The following SPAG16 variants were observed in gnomAD, a reference collection of about 807,000 sequenced individuals.
SPAG16 encodes sperm associated antigen 16.
A neutral mutation model predicts 80.4 loss-of-function variants in SPAG16; 86 were observed. The ratio of observed to expected loss-of-function variants is 1.07; its 90% confidence interval spans 0.90 to 1.28. The LOEUF (loss-of-function observed/expected upper bound fraction) is 1.28, where lower values mean the gene tolerates loss of function less well. Ranked by LOEUF, SPAG16 falls within the 50% of genes most tolerant of loss-of-function variation. SPAG16 has a pLI of 0.00. For missense variants in SPAG16, 870 were observed against 765.3 expected (o/e 1.14, Z -1.61); for synonymous variants, 294 against 265.9 (o/e 1.11, Z -1.03).
At chr2:213,981,012 G>C (rs924715930) in intron 12 of SPAG16, among the ~76,000 whole-genome samples, 1 of 151,976 alleles carries the variant, frequency 6.6e-6, no homozygotes, top group Non-Finnish European at 1.5e-5. Context: ...AAACTGAGTG[G>C]CTTCAACAAC....
chr2:214,294,702 A>C (rs1273304279), intron 15 of SPAG16, among the ~76,000 whole-genome samples: 1 of 152,224 alleles, frequency 6.6e-6, no homozygotes, highest in Non-Finnish European at 1.5e-5. Flanking sequence ...TCCAAAGATT[A>C]TCTGATATTT....
intron 10 of SPAG16, among the ~76,000 whole-genome samples, chr2:213,820,487 A>C (rs1442185107): frequency 6.6e-6 from 1 of 152,164 alleles, no homozygotes; most frequent in African/African-American, 2.4e-5. Flanking sequence ...CTGCACAGGA[A>C]TAGATGCTTA....
At chr2:214,156,554 A>G (rs1351615849) in intron 15 of SPAG16, among the ~76,000 whole-genome samples, 1 of 152,150 alleles carries the variant, frequency 6.6e-6, no homozygotes, top group African/African-American at 2.4e-5. Context: ...TTGAGGAGAG[A>G]GGATCTCTTG....
intron 10 of SPAG16, among the ~76,000 whole-genome samples, chr2:213,759,527 T>TTA (rs1175913654): frequency 5.3e-5 from 8 of 152,044 alleles, no homozygotes; most frequent in Non-Finnish European, 8.8e-5. Context: ...AGCCGAGTTT[T>TTA]TATATATTAT....
chr2:213,773,937 T>C (rs1443252493), intron 10 of SPAG16, among the ~76,000 whole-genome samples: 1 of 152,218 alleles, frequency 6.6e-6, no homozygotes, highest in Admixed American at 6.5e-5. Flanking sequence ...GAATTTCTTA[T>C]ATTCATTATC....
intron 13 of SPAG16, among the ~76,000 whole-genome samples, chr2:214,086,144 G>A (rs537258621): frequency 4.0e-4 from 61 of 152,168 alleles, no homozygotes; most frequent in African/African-American, 1.3e-3. Context: ...CTCATACAGC[G>A]TAAACTTCTG....
chr2:214,161,742 A>C (rs947316874), intron 15 of SPAG16, among the ~76,000 whole-genome samples: 1 of 152,090 alleles, frequency 6.6e-6, no homozygotes, highest in Non-Finnish European at 1.5e-5. Flanking sequence ...CTTAATACCT[A>C]GGTGATGGGT....
At chr2:214,214,185 C>T (rs533665127) in intron 15 of SPAG16, among the ~76,000 whole-genome samples, 2 of 140,058 alleles carry the variant, frequency 1.4e-5, no homozygotes, top group African/African-American at 5.4e-5. Context: ...TTCCTTTTTA[C>T]TTTTTTTTTT....
intron 1 of SPAG16, among the ~76,000 whole-genome samples, chr2:213,292,160 G>A (rs1472426959): frequency 1.3e-5 from 2 of 152,088 alleles, no homozygotes; most frequent in African/African-American, 2.4e-5. Context: ...CAACTTTAAA[G>A]TCTATCCAGA....
intron 10 of SPAG16, among the ~76,000 whole-genome samples, chr2:213,788,313 TA>T (rs2070469573): frequency 6.6e-6 from 1 of 151,830 alleles, no homozygotes; most frequent in Admixed American, 6.6e-5. Flanking sequence ...AAAAAGGAAA[TA>T]AGCTACACAA....
At chr2:213,615,168 C>A (rs1445141135) in intron 10 of SPAG16, among the ~76,000 whole-genome samples, 1 of 152,208 alleles carries the variant, frequency 6.6e-6, no homozygotes, top group Non-Finnish European at 1.5e-5. Flanking sequence ...ATGATACAGA[C>A]AACAAACAGA....
chr2:213,889,261 A>G (rs1440762978), intron 11 of SPAG16, among the ~76,000 whole-genome samples: 7 of 151,952 alleles, frequency 4.6e-5, no homozygotes, highest in Non-Finnish European at 1.0e-4. Flanking sequence ...CACCTTCTAT[A>G]TAGTGTATAA....
intron 12 of SPAG16, among the ~76,000 whole-genome samples, chr2:214,012,658 A>G (rs963446785): frequency 6.6e-6 from 1 of 152,062 alleles, no homozygotes; most frequent in Non-Finnish European, 1.5e-5. Flanking sequence ...AGTACTTACT[A>G]GTTATCCTGA....
chr2:213,539,508 A>G (rs530851623), intron 10 of SPAG16, among the ~76,000 whole-genome samples: 45 of 152,190 alleles, frequency 3.0e-4, no homozygotes, highest in Non-Finnish European at 6.2e-4. Context: ...AAAAGTCCAA[A>G]CAAGTTTTCA....
intron 15 of SPAG16, among the ~76,000 whole-genome samples, chr2:214,270,043 T>G (rs992788905): frequency 6.6e-6 from 1 of 152,194 alleles, no homozygotes; most frequent in African/African-American, 2.4e-5. Context: ...GTTTCATAGC[T>G]TGTCTCCTAT....
chr2:214,381,593 T>C (rs1700451687), intron 15 of SPAG16, among the ~76,000 whole-genome samples: 2 of 152,236 alleles, frequency 1.3e-5, no homozygotes, highest in African/African-American at 4.8e-5. Flanking sequence ...TGTTGATGCA[T>C]TCTTCACAAA....
At chr2:213,561,891 A>C (rs2059607814) in intron 10 of SPAG16, among the ~76,000 whole-genome samples, 1 of 151,980 alleles carries the variant, frequency 6.6e-6, no homozygotes, top group Admixed American at 6.6e-5. Flanking sequence ...ATTATTCTGA[A>C]ATTTCTTTTT....
At chr2:213,866,807 T>G (rs2075706237) in intron 11 of SPAG16, among the ~76,000 whole-genome samples, 1 of 152,240 alleles carries the variant, frequency 6.6e-6, no homozygotes, top group African/African-American at 2.4e-5. Flanking sequence ...TGGTGTTTAC[T>G]CTCTTTAAAT....
intron 15 of SPAG16, among the ~76,000 whole-genome samples, chr2:214,291,791 T>C (rs1039319081): frequency 3.9e-5 from 6 of 152,342 alleles, no homozygotes; most frequent in Non-Finnish European, 8.8e-5. Context: ...TTAGGTAGTT[T>C]TCTGTAGTGG....
Sources: allele counts gnomAD v4.1 joint callset (sites outside exome capture counted in the v4.1 genomes callset), GRCh38; gene constraint gnomAD v4.1.1; transcripts MANE v1.5; gene names NCBI Gene and HGNC (gene_info 2026-07-23, HGNC 2026-07-21).